MCTP2: variants seen among roughly 807,000 people sequenced by gnomAD.
MCTP2 encodes the protein multiple C2 and transmembrane domain containing 2.
Under a neutral mutation model 111.6 loss-of-function variants are expected in MCTP2, and 132 were observed. The ratio of observed to expected loss-of-function variants is 1.18; its 90% CI spans 1.03 to 1.37. MCTP2 has a LOEUF of 1.37. Ranked by LOEUF, MCTP2 falls within the 40% of genes most tolerant of loss-of-function variation. The probability of loss-of-function intolerance (pLI) is 0.00; values close to 1 mark genes in which losing one functional copy is unlikely to be tolerated. For synonymous variants in MCTP2, 395 were observed against 387.7 expected, an observed-to-expected ratio of 1.02 and a Z score of -0.22; for missense variants, 1,183 against 1,067.9, an observed-to-expected ratio of 1.11 and a Z score of -1.50.
rs1596401741 is a variant in MCTP2 at position 94,339,408 on chromosome 15, C to T, written c.756C>T (p.Ser252=). 6.2e-7 allele frequency: 1 copy of T among 1,604,998 alleles called. No individual in the cohort carries two copies. The highest frequency in any genetic ancestry group is 2.2e-5 in the East Asian group (1 of 44,816). ...WDEIVVLPIQ[S]LDQKLRVKVY... ...AGATAGTTGTATTGCCAATCCAAAG[C>T]CTTGATCAAAAGCTACGTGTGAAGG... Residue 252 remains serine, a synonymous_variant, in exon 5 of 23, where the codon AGC becomes AGT. Coordinates refer to ENST00000357742, the MANE Select transcript of MCTP2 (RefSeq NM_001385001.1).
chr15:94,340,328 C>G, intron 6 of MCTP2, 53 bp downstream of exon 6: 2 of 1,285,020 alleles, frequency 1.6e-6, no homozygotes, highest in South Asian at 1.2e-5. Flanking sequence ...AGGGAACTTA[C>G]GATAATGTTA....
rs1409208245 is a variant in MCTP2, at chr15:94,424,319, T to G, written c.2086-15857T>G. Among the ~76,000 whole-genome samples the G allele has an allele frequency of 5.4e-5, 8 of 149,336 alleles. No individual in the cohort carries two copies. In the East Asian group the frequency reaches 1.4e-3, roughly 25 times the overall value. The stretch of plus-strand genomic sequence containing the variant: ...GGATATTTTCATTTTGTTTTTTGGG[T>G]TTTTTTTTTCCATTATCAAAAGTAC... On this transcript the variant is annotated intron_variant, in intron 17 of 22. Transcript: ENST00000357742.
chr15:94,459,132 A>T (rs1023489930), intron 20 of MCTP2, among the ~76,000 whole-genome samples: 2 of 152,216 alleles, frequency 1.3e-5, no homozygotes, highest in African/African-American at 4.8e-5. Context: ...TGAATTATTA[A>T]CTTATTTCCC....
chr15:94,431,831 T>C (rs1408999359), intron 17 of MCTP2, among the ~76,000 whole-genome samples: 1 of 152,168 alleles, frequency 6.6e-6, no homozygotes, highest in Non-Finnish European at 1.5e-5. Flanking sequence ...ATAAAGATGG[T>C]ATGATTATTT....
intron 1 of MCTP2, 63 bp from the exon 2 acceptor site, chr15:94,298,138 C>A: frequency 4.3e-6 from 3 of 699,528 alleles, no homozygotes; most frequent in South Asian, 2.3e-5. Flanking sequence ...TTACTGCCAC[C>A]AAGAAGGTTC....
At chr15:94,289,594 G>A (rs905420240) in intron 1 of MCTP2, among the ~76,000 whole-genome samples, 4 of 152,088 alleles carry the variant, frequency 2.6e-5, no homozygotes, top group Admixed American at 2.6e-4. Flanking sequence ...AAATTTAATA[G>A]ACCATTTATT....
At chr15:94,447,379 G>C (rs1052614373) in intron 19 of MCTP2, among the ~76,000 whole-genome samples, 2 of 152,004 alleles carry the variant, frequency 1.3e-5, no homozygotes, top group African/African-American at 4.8e-5. Context: ...TCATTTGTGT[G>C]TGTGTGTGTG....
Position 94,395,244 on chromosome 15 carries a change from G to T in MCTP2, c.1789-3717G>T, listed in dbSNP as rs80049816. Among the ~76,000 whole-genome samples, 150 of 152,282 alleles carry T rather than the reference G, an allele frequency of 9.9e-4. 1 individual carries two copies. The highest frequency in any genetic ancestry group is 3.4e-3 in the African/African-American group (143 of 41,570). ...AACTAATATGTCATGGTATTGTCAC[G>T]TTATTTTCCCTTTTATGCAGAGTGA... On this transcript the variant is annotated intron_variant, in intron 14 of 22. Coordinates refer to ENST00000357742, the MANE Select transcript of MCTP2 (RefSeq NM_001385001.1).
chr15:94,293,071 A>T (rs1334982528), intron 1 of MCTP2: 1 of 152,172 alleles, frequency 6.6e-6, no homozygotes, highest in Non-Finnish European at 1.5e-5. Context: ...TAAATAAATT[A>T]TAAATCTAAA....
chr15:94,345,352 G>A (rs2077920625), intron 8 of MCTP2, among the ~76,000 whole-genome samples, 188 bp downstream of exon 8: 1 of 135,254 alleles, frequency 7.4e-6, no homozygotes, highest in Admixed American at 8.3e-5. Context: ...ATTGCCAGAT[G>A]TTTGAGCTGA....
At chr15:94,441,604 C>T (rs1385121318) in intron 18 of MCTP2, among the ~76,000 whole-genome samples, 1 of 152,048 alleles carries the variant, frequency 6.6e-6, no homozygotes, top group Non-Finnish European at 1.5e-5. Flanking sequence ...ATGTATAAAG[C>T]CTTTATTTAT....
At chr15:94,330,215 A>G (rs908261926) in intron 4 of MCTP2, among the ~76,000 whole-genome samples, 70 of 152,210 alleles carry the variant, frequency 4.6e-4, no homozygotes, top group African/African-American at 1.6e-3. Context: ...GGATTAAAGG[A>G]GATCATTCCC....
intron 12 of MCTP2, among the ~76,000 whole-genome samples, chr15:94,379,745 GAT>G (rs1289456353): frequency 1.4e-5 from 2 of 144,154 alleles, no homozygotes; most frequent in African/African-American, 2.5e-5. Flanking sequence ...TATAATATAT[GAT>G]ATATAATATA....
intron 19 of MCTP2, among the ~76,000 whole-genome samples, chr15:94,454,481 TAAAC>T (rs770317199): frequency 7.2e-5 from 11 of 152,138 alleles, no homozygotes; most frequent in Non-Finnish European, 1.6e-4. Flanking sequence ...CATATAAAAA[TAAAC>T]ATCAGCATGG....
intron 18 of MCTP2, 29 bp downstream of exon 18, chr15:94,440,327 T>C: frequency 6.2e-7 from 1 of 1,612,352 alleles, no homozygotes; most frequent in Non-Finnish European, 8.5e-7. Flanking sequence ...TTCTGACATT[T>C]GACTGCCGAG....
intron 2 of MCTP2, among the ~76,000 whole-genome samples, chr15:94,304,356 C>T (rs1484147675): frequency 6.6e-6 from 1 of 152,176 alleles, no homozygotes; most frequent in African/African-American, 2.4e-5. Context: ...GCGTGAGAAT[C>T]GCTTGAACCC....
At chr15:94,450,073 ACCC>A (rs778872878) in intron 19 of MCTP2, among the ~76,000 whole-genome samples, 88 of 152,100 alleles carry the variant, frequency 5.8e-4, no homozygotes, top group Non-Finnish European at 9.6e-4. Flanking sequence ...TACTTTTTCA[ACCC>A]TATTATTTGA....
At chr15:94,440,414 C>T in intron 18 of MCTP2, 116 bp downstream of exon 18, 1 of 1,264,672 alleles carries the variant, frequency 7.9e-7, no homozygotes, top group South Asian at 1.4e-5. Context: ...AAGGAGCAGC[C>T]CTGCAAAGGC....
intron 8 of MCTP2, among the ~76,000 whole-genome samples, chr15:94,354,945 G>A (rs1019825357): frequency 2.0e-5 from 3 of 152,170 alleles, no homozygotes; most frequent in Non-Finnish European, 2.9e-5. Context: ...ATTGCTCGAC[G>A]ATGATGCTCA....
Sources: gnomAD v4.1 joint callset for allele counts (sites outside exome capture counted in the v4.1 genomes callset) on GRCh38, gnomAD v4.1.1 for gene constraint, MANE v1.5 for transcripts, NCBI Gene and HGNC (gene_info 2026-07-23, HGNC 2026-07-21) for gene names.